TMEFF2: variants seen among roughly 807,000 people sequenced by gnomAD.
The protein encoded by TMEFF2 is tomoregulin-2.
TMEFF2 carries 28 observed loss-of-function variants against 53.8 expected under a neutral mutation model. The observed-to-expected ratio is 0.52, with a 90% CI of 0.39 to 0.71. TMEFF2 has a LOEUF of 0.71. Among genes scored for constraint, TMEFF2 ranks in the 30% least tolerant of loss-of-function variants. The pLI is 0.00. For missense variants in TMEFF2, 353 were observed against 455.2 expected (o/e 0.78, Z 2.04); for synonymous variants, 162 against 166.3 (o/e 0.97, Z 0.20).
intron 5 of TMEFF2, among the ~76,000 whole-genome samples, chr2:192,041,245 T>A (rs943631761): frequency 3.3e-5 from 5 of 152,194 alleles, no homozygotes; most frequent in African/African-American, 1.2e-4. Flanking sequence ...TTATATATAT[T>A]TTTAAAACTC....
At chr2:192,186,191 A>T (rs6434542) in intron 2 of TMEFF2, among the ~76,000 whole-genome samples, 1 of 152,130 alleles carries the variant, frequency 6.6e-6, no homozygotes, top group African/African-American at 2.4e-5. Flanking sequence ...ACTCAATCAG[A>T]AACTGACTTC....
chr2:192,188,830 TCTATCTATCTATCTATCTATCTATCTA>T (rs1691384049), intron 2 of TMEFF2, among the ~76,000 whole-genome samples: 8 of 139,314 alleles, frequency 5.7e-5, no homozygotes, highest in South Asian at 2.4e-4. Flanking sequence ...CGCTTTTCTA[TCTATCTATCTATCTATCTATCTATCTA>T]TCTATCTATC....
chr2:192,094,759 T>G (rs767230317), intron 4 of TMEFF2, among the ~76,000 whole-genome samples: 3 of 152,214 alleles, frequency 2.0e-5, no homozygotes, highest in Non-Finnish European at 2.9e-5. Context: ...ATTAAGAAAG[T>G]ATTTGGAAAC....
At chr2:192,191,126 G>A (rs1691450880) in intron 2 of TMEFF2, among the ~76,000 whole-genome samples, 1 of 152,130 alleles carries the variant, frequency 6.6e-6, no homozygotes, top group Admixed American at 6.5e-5. Context: ...GAAAGCATTT[G>A]TTAGCTAATG....
intron 4 of TMEFF2, among the ~76,000 whole-genome samples, chr2:192,071,318 T>C (rs2105916027): frequency 6.6e-6 from 1 of 151,968 alleles, no homozygotes; most frequent in Non-Finnish European, 1.5e-5. Context: ...CTTGGTTTTC[T>C]TAAGCCACTA....
In TMEFF2 at chr2:191,950,280, GGTA is replaced by G. The variant is rs748786206; in HGVS notation, c.*28_*30del. The G allele has an allele frequency of 8.1e-6, 13 of 1,612,652 alleles. No individual in the cohort carries two copies. The Admixed American group carries it at 1.2e-4, about 14-fold the overall frequency. On this transcript the variant is annotated 3_prime_UTR_variant, in exon 10 of 10. Coordinates refer to ENST00000272771, the MANE Select transcript of TMEFF2 (RefSeq NM_016192.4). ...ACTGTATTGTGTAGTCCAAGCTCTC[GGTA>G]GTCCAGCCACTGTGAAACATGCTCC...
chr2:192,179,510 C>G (rs879054426), intron 4 of TMEFF2, 158 bp downstream of exon 4: 1 of 642,132 alleles, frequency 1.6e-6, no homozygotes, highest in South Asian at 2.8e-5. Flanking sequence ...ACGGTATATA[C>G]ATGTACTTAA....
chr2:192,109,175 G>A lies in TMEFF2; in HGVS notation c.440-51400C>T, dbSNP rs373074084. 1.1e-4 allele frequency among the ~76,000 whole-genome samples: 17 copies of A among 152,148 alleles called. No homozygotes were observed. In the East Asian group the frequency reaches 3.1e-3, roughly 28 times the overall value. ...ATATAGTTAAAATGGCAAATTTTAT[G>A]TCATACGCATTTGTCCCCAGTAAAT... On this transcript the variant is annotated intron_variant, in intron 4 of 9. Coordinates refer to ENST00000272771, the MANE Select transcript of TMEFF2 (RefSeq NM_016192.4).
At chr2:192,140,064 T>G (rs149152925) in intron 4 of TMEFF2, among the ~76,000 whole-genome samples, 229 of 152,300 alleles carry the variant, frequency 1.5e-3, no homozygotes, top group African/African-American at 5.5e-3. Flanking sequence ...GACACAGAAT[T>G]TTAAATGATC....
At chr2:192,149,790 C>G (rs1393513244) in intron 4 of TMEFF2, among the ~76,000 whole-genome samples, 2 of 151,878 alleles carry the variant, frequency 1.3e-5, no homozygotes, top group Non-Finnish European at 1.5e-5. Flanking sequence ...AGAAGTCTAT[C>G]TTACACGTAC....
intron 7 of TMEFF2, among the ~76,000 whole-genome samples, chr2:191,978,377 TTGTAATGG>T (rs1477759148): frequency 2.0e-5 from 3 of 152,214 alleles, no homozygotes; most frequent in Non-Finnish European, 4.4e-5. Context: ...TTCTTTATCT[TTGTAATGG>T]TGATAATAAT....
At chr2:191,998,453 G>T (rs1429838391) in intron 6 of TMEFF2, 132 bp from the exon 7 acceptor site, 5 of 563,886 alleles carry the variant, frequency 8.9e-6, no homozygotes, top group African/African-American at 4.0e-5. Flanking sequence ...TAAGCAACCT[G>T]CATCATACTA....
At chr2:192,135,978 A>G (rs953591361) in intron 4 of TMEFF2, among the ~76,000 whole-genome samples, 43 of 151,780 alleles carry the variant, frequency 2.8e-4, no homozygotes, top group Admixed American at 7.9e-4. Flanking sequence ...CAAATCCTAT[A>G]AAACGGCCCC....
intron 7 of TMEFF2, among the ~76,000 whole-genome samples, chr2:191,980,644 C>A (rs1019894853): frequency 2.6e-5 from 4 of 152,160 alleles, no homozygotes. Flanking sequence ...TTCACTGCCA[C>A]CCCCAGCGTC....
intron 4 of TMEFF2, among the ~76,000 whole-genome samples, chr2:192,066,729 G>T (rs148891800): frequency 1.2e-4 from 18 of 151,866 alleles, no homozygotes; most frequent in African/African-American, 4.1e-4. Context: ...ATGAAGTCAG[G>T]AAGGAAGAAA....
At position 191,949,435 on chromosome 2, in the gene TMEFF2, A is replaced by G. The variant is rs1691801322; in HGVS notation, c.*876T>C. ...ACTTCTTTTCAAAGAACTATATACT[A>G]TACATATTGTATGGTGCTTTTGAGA... On this transcript the variant is annotated 3_prime_UTR_variant, in exon 10 of 10. Transcript: ENST00000272771. 1.0e-6 allele frequency: 1 copy of G among 985,386 alleles called. No homozygotes were observed. The highest frequency in any genetic ancestry group is 1.7e-5 in the African/African-American group (1 of 57,346). 61.0% of individuals were successfully genotyped at this position (985,386 alleles called of 1,614,324 possible).
At chr2:192,042,395 G>A (rs561889208) in intron 5 of TMEFF2, among the ~76,000 whole-genome samples, 1 of 152,150 alleles carries the variant, frequency 6.6e-6, no homozygotes, top group Non-Finnish European at 1.5e-5. Flanking sequence ...TATCTTTGAA[G>A]TGCAGTAAAG....
chr2:192,025,378 T>G (rs1343444637), intron 5 of TMEFF2, among the ~76,000 whole-genome samples: 4 of 124,902 alleles, frequency 3.2e-5, no homozygotes, highest in Admixed American at 2.5e-4. Context: ...ACAGAAGGGT[T>G]TTTTTTTTTT....
chr2:191,997,861 C>T (rs760263381), intron 7 of TMEFF2, among the ~76,000 whole-genome samples: 1 of 151,726 alleles, frequency 6.6e-6, no homozygotes, highest in Non-Finnish European at 1.5e-5. Context: ...TCCTTTCTAG[C>T]TTTTTAGAGA....
Sources: gnomAD v4.1 joint callset for allele counts (sites outside exome capture counted in the v4.1 genomes callset) on GRCh38, gnomAD v4.1.1 for gene constraint, MANE v1.5 for transcripts, NCBI Gene and HGNC (gene_info 2026-07-23, HGNC 2026-07-21) for gene names.